SORCS3: variants seen among roughly 807,000 people sequenced by gnomAD.
The protein encoded by SORCS3 is sortilin related VPS10 domain containing receptor 3.
Under a neutral mutation model 146.3 loss-of-function variants are expected in SORCS3, and 57 were observed. The ratio of observed to expected loss-of-function variants is 0.39; its 90% confidence interval spans 0.31 to 0.49. The LOEUF (loss-of-function observed/expected upper bound fraction) is 0.49, where lower values mean the gene tolerates loss of function less well. SORCS3 is among the 20% of genes least tolerant of loss of function. The pLI is 0.92. For missense variants in SORCS3, 1,341 were observed against 1,575.5 expected, an observed-to-expected ratio of 0.85 and a Z score of 2.52; for synonymous variants, 653 against 618.5, an observed-to-expected ratio of 1.06 and a Z score of -0.83.
chr10:104,808,874 A>C (rs1366602149), intron 1 of SORCS3, among the ~76,000 whole-genome samples: 1 of 152,254 alleles, frequency 6.6e-6, no homozygotes, highest in Non-Finnish European at 1.5e-5. Flanking sequence ...GTCACACAGC[A>C]GAAATGGACT....
At chr10:105,122,561 A>G (rs1819476) in intron 7 of SORCS3, among the ~76,000 whole-genome samples, 77,321 of 151,998 alleles carry the variant, frequency 0.51, 19,959 homozygotes, top group Admixed American at 0.55. Context: ...TGTATTGAGC[A>G]CTTAATATGC....
At chr10:105,220,231 T>TA (rs1421613485) in intron 19 of SORCS3, among the ~76,000 whole-genome samples, 3 of 152,126 alleles carry the variant, frequency 2.0e-5, no homozygotes, top group African/African-American at 7.2e-5. Context: ...ATCTTTGCCC[T>TA]AAAAAAACTG....
chr10:104,768,372 GT>G (rs2017206596), intron 1 of SORCS3, among the ~76,000 whole-genome samples: 1 of 152,192 alleles, frequency 6.6e-6, no homozygotes, highest in African/African-American at 2.4e-5. Context: ...ACAACAGATA[GT>G]TTTTGAGACA....
Position 105,157,176 on chromosome 10 carries a change from G to C in SORCS3, c.1521G>C (p.Lys507Asn), listed in dbSNP as rs752839468. 1 of 1,614,020 alleles carries C rather than the reference G, an allele frequency of 6.2e-7. No homozygotes were observed. Among genetic ancestry groups the C allele is most frequent in the East Asian group, 2.2e-5 (1 of 44,846 alleles). ...GIKGIFLANK[K>N]VDDQVKTYIT... ...AAGGGATATTTCTGGCAAACAAGAAGGTGGACGACCAGGTGAAGACATACA... is the reference window on the plus strand; with the variant it reads ...AAGGGATATTTCTGGCAAACAAGAACGTGGACGACCAGGTGAAGACATACA... Residue 507 changes from lysine (K) to asparagine (N), a missense_variant, in exon 10 of 27, where the codon AAG becomes AAC. Coordinates refer to ENST00000369701, the MANE Select transcript of SORCS3 (RefSeq NM_014978.3).
intron 2 of SORCS3, among the ~76,000 whole-genome samples, chr10:104,848,657 C>T (rs2018235142): frequency 6.6e-6 from 1 of 152,312 alleles, no homozygotes; most frequent in Non-Finnish European, 1.5e-5. Context: ...GCTGTGAAAT[C>T]CTCCGTCTAA....
chr10:104,827,441 C>T (rs1166806805), intron 1 of SORCS3, among the ~76,000 whole-genome samples: 1 of 152,078 alleles, frequency 6.6e-6, no homozygotes, highest in Non-Finnish European at 1.5e-5. Flanking sequence ...GGTGCATTGT[C>T]AGTAAGCAGT....
At chr10:104,940,215 TATATATATATATATATATATATA>T (rs1194716365) in intron 3 of SORCS3, among the ~76,000 whole-genome samples, 2 of 14,682 alleles carry the variant, frequency 1.4e-4, no homozygotes, top group Non-Finnish European at 2.6e-4. Flanking sequence ...TATATATATA[TATATATATATATATATATATATA>T]TTTTTTTTTT....
intron 3 of SORCS3, among the ~76,000 whole-genome samples, chr10:104,953,376 C>G (rs1393688971): frequency 1.3e-5 from 2 of 152,144 alleles, no homozygotes; most frequent in African/African-American, 4.8e-5. Context: ...AAATGATGTC[C>G]TTGCTGTAGG....
In SORCS3 at chr10:105,164,369, C is replaced by A. The variant is rs1443701718; in HGVS notation, c.1799C>A (p.Thr600Lys). 4.3e-6 allele frequency: 7 copies of A among 1,612,096 alleles called. No individual in the cohort carries two copies. In the African/African-American group the frequency reaches 9.3e-5, roughly 22 times the overall value. ...GVFISSDGGNTWRQIFDEEYN... is the reference protein window; with the variant it reads ...GVFISSDGGNKWRQIFDEEYN... ...TTCATCTCCTCCGATGGGGGCAACA[C>A]ATGGAGACAGGTAACTGGGTGAATT... The change falls in exon 12 of 27, where the codon ACA becomes AAA. Residue 600 changes from threonine to lysine, a missense_variant. By Grantham distance (78) the Thr-to-Lys change is moderately conservative (BLOSUM62 -1). Coordinates refer to ENST00000369701, the MANE Select transcript of SORCS3 (RefSeq NM_014978.3).
chr10:104,751,534 T>G (rs1194088554), intron 1 of SORCS3, among the ~76,000 whole-genome samples: 1 of 152,084 alleles, frequency 6.6e-6, no homozygotes, highest in Non-Finnish European at 1.5e-5. Flanking sequence ...CTGGAGAGTT[T>G]AGGATAGGTC....
At chr10:104,795,755 G>A (rs115276236) in intron 1 of SORCS3, among the ~76,000 whole-genome samples, 1,977 of 152,348 alleles carry the variant, frequency 0.013, 30 homozygotes, top group African/African-American at 0.038. Flanking sequence ...GATGGGAGCT[G>A]AAGAGCTGCA....
chr10:105,176,725 C>T (rs901363664), intron 13 of SORCS3, among the ~76,000 whole-genome samples: 2 of 151,840 alleles, frequency 1.3e-5, no homozygotes, highest in African/African-American at 4.8e-5. Context: ...CTTGGTGACA[C>T]GTGCCTGTAG....
At chr10:104,992,411 G>T (rs1283727313) in intron 4 of SORCS3, among the ~76,000 whole-genome samples, 1 of 152,184 alleles carries the variant, frequency 6.6e-6, no homozygotes, top group African/African-American at 2.4e-5. Context: ...GACGTGTTTT[G>T]TTTCAGTTTT....
At chr10:105,215,061 G>A (rs1406520946) in intron 18 of SORCS3, among the ~76,000 whole-genome samples, 1 of 152,206 alleles carries the variant, frequency 6.6e-6, no homozygotes, top group Non-Finnish European at 1.5e-5. Flanking sequence ...TTAAAAGTAA[G>A]AGCATGAGGA....
chr10:104,748,779 T>A (rs982441270), intron 1 of SORCS3, among the ~76,000 whole-genome samples: 5 of 152,160 alleles, frequency 3.3e-5, no homozygotes, highest in African/African-American at 1.2e-4. Flanking sequence ...CTTGAACCCA[T>A]GAGGCAGAGG....
intron 1 of SORCS3, among the ~76,000 whole-genome samples, chr10:104,724,449 G>T (rs980069634): frequency 6.6e-6 from 1 of 152,030 alleles, no homozygotes; most frequent in African/African-American, 2.4e-5. Flanking sequence ...TGACAATTAT[G>T]TGTCTTGGAG....
At chr10:104,800,235 TATG>T (rs2017609132) in intron 1 of SORCS3, among the ~76,000 whole-genome samples, 1 of 125,162 alleles carries the variant, frequency 8.0e-6, no homozygotes. Flanking sequence ...CTACATACCA[TATG>T]ATTTCATATA....
chr10:105,041,865 C>T (rs1269544899), intron 4 of SORCS3, among the ~76,000 whole-genome samples: 1 of 152,064 alleles, frequency 6.6e-6, no homozygotes, highest in African/African-American at 2.4e-5. Flanking sequence ...TTCCTCAATG[C>T]TCCCATCTGT....
intron 3 of SORCS3, among the ~76,000 whole-genome samples, chr10:104,930,155 C>G (rs1726709501): frequency 6.6e-6 from 1 of 152,008 alleles, no homozygotes; most frequent in Non-Finnish European, 1.5e-5. Context: ...CCAGAAAGAA[C>G]AGTAATTGCT....
Sources: gnomAD v4.1 joint callset for allele counts (sites outside exome capture counted in the v4.1 genomes callset) on GRCh38, gnomAD v4.1.1 for gene constraint, MANE v1.5 for transcripts, NCBI Gene and HGNC (gene_info 2026-07-23, HGNC 2026-07-21) for gene names.